ATF7: variants seen among roughly 807,000 people sequenced by gnomAD.
The protein encoded by ATF7 is activating transcription factor 7, also known as cyclic AMP-dependent transcription factor ATF-7.
In ATF7, 10 loss-of-function variants were observed where a neutral mutation model predicts 50.4. The ratio of observed to expected loss-of-function variants is 0.20; its 90% CI spans 0.12 to 0.34. ATF7 has a LOEUF of 0.34. Ranked by LOEUF, ATF7 falls within the 10% of genes least tolerant of loss-of-function variation. The pLI is 1.00. For missense variants in ATF7, 465 were observed against 613.9 expected (o/e 0.76, Z 2.56); for synonymous variants, 201 against 226.4 (o/e 0.89, Z 1.01).
chr12:53,613,058 T>C (rs2137895570), intron 1 of ATF7, among the ~76,000 whole-genome samples: 1 of 151,616 alleles, frequency 6.6e-6, no homozygotes, highest in East Asian at 1.9e-4. Context: ...TTCCCAATGA[T>C]AGCTATTTAT....
At chr12:53,584,023 A>G (rs1942563787) in intron 2 of ATF7, among the ~76,000 whole-genome samples, 3 of 152,200 alleles carry the variant, frequency 2.0e-5, no homozygotes, top group Admixed American at 2.0e-4. Context: ...TCTGTCACCC[A>G]GGCTGGAGTA....
At chr12:53,556,091 C>G (rs538931842) in intron 2 of ATF7, among the ~76,000 whole-genome samples, 1 of 152,258 alleles carries the variant, frequency 6.6e-6, no homozygotes, top group African/African-American at 2.4e-5. Context: ...GCTGGAATTA[C>G]AGGTGTGAGC....
At chr12:53,588,560 G>A (rs1942818975) in intron 2 of ATF7, among the ~76,000 whole-genome samples, 1 of 152,100 alleles carries the variant, frequency 6.6e-6, no homozygotes, top group African/African-American at 2.4e-5. Flanking sequence ...ACTAGTCAAA[G>A]CAAGATACCC....
At chr12:53,517,457 G>T in intron 11 of ATF7, 103 bp from the exon 12 acceptor site, 1 of 1,172,826 alleles carries the variant, frequency 8.5e-7, no homozygotes, top group Non-Finnish European at 1.2e-6. Flanking sequence ...AGCCCAAAAG[G>T]GAAATGAAAC....
intron 2 of ATF7, among the ~76,000 whole-genome samples, chr12:53,553,442 A>C (rs911786856): frequency 3.9e-5 from 6 of 152,178 alleles, no homozygotes; most frequent in Non-Finnish European, 2.9e-5. Flanking sequence ...GATGGTATAG[A>C]GATTTTATTT....
intron 5 of ATF7, among the ~76,000 whole-genome samples, chr12:53,536,740 T>C (rs1939248848): frequency 6.6e-6 from 1 of 151,908 alleles, no homozygotes; most frequent in Non-Finnish European, 1.5e-5. Flanking sequence ...GTACAAAAAT[T>C]AGCCGGGCGT....
chr12:53,519,788 C>T (rs1937990579), intron 11 of ATF7, among the ~76,000 whole-genome samples: 1 of 152,028 alleles, frequency 6.6e-6, no homozygotes, highest in South Asian at 2.1e-4. Context: ...GCTCTATCAC[C>T]CAGGCTGGAG....
intron 2 of ATF7, among the ~76,000 whole-genome samples, chr12:53,554,870 G>GAAAAAAAAAAAAAAAAAA (rs61675595): frequency 1.3e-5 from 1 of 76,046 alleles, no homozygotes; most frequent in Non-Finnish European, 2.5e-5. Context: ...CTCAAAAAAA[G>GAAAAAAAAAAAAAAAAAA]AAAAAAAAAA....
intron 3 of ATF7, among the ~76,000 whole-genome samples, chr12:53,549,481 A>G (rs1940180670): frequency 6.6e-6 from 1 of 151,636 alleles, no homozygotes. Context: ...TTGGCTCACC[A>G]CAACCTCCGC....
At chr12:53,575,574 CAA>C (rs150259793) in intron 2 of ATF7, 29 of 103,424 alleles carry the variant, frequency 2.8e-4, no homozygotes, top group Non-Finnish European at 2.6e-4. Context: ...ATGCAGTCTC[CAA>C]AAAAAAAAAA....
In ATF7 at chr12:53,537,509, T is replaced by C. The variant is rs768746722; in HGVS notation, c.308A>G (p.Asp103Gly). The C allele has an allele frequency of 4.3e-6, 7 of 1,613,622 alleles. No homozygotes were observed. The highest frequency in any genetic ancestry group is 5.1e-6 in the Non-Finnish European group (6 of 1,179,864). ...TGGCTCTTCTTCTTTGATTTTGATG[T>C]CTGGTGTGGAAGGCAGAGACATGTC... ...PLDMSLPSTP[D>G]IKIKEEEPVE... Residue 103 changes from aspartate to glycine, a missense_variant, in exon 5 of 12, where the codon GAC (aspartate) becomes GGC (glycine). By Grantham distance (94) the Asp-to-Gly change is moderately conservative. Transcript: ENST00000420353.
At chr12:53,517,927 C>T (rs1348408611) in intron 11 of ATF7, among the ~76,000 whole-genome samples, 1 of 152,084 alleles carries the variant, frequency 6.6e-6, no homozygotes, top group African/African-American at 2.4e-5. Flanking sequence ...TGCAGTGGTG[C>T]AATCTCAGCT....
intron 2 of ATF7, among the ~76,000 whole-genome samples, chr12:53,570,469 T>C (rs999305055): frequency 2.0e-5 from 3 of 152,118 alleles, no homozygotes; most frequent in Admixed American, 6.5e-5. Context: ...GTATAGCAAA[T>C]GCAGATTTCA....
chr12:53,542,369 G>A (rs1398683976), intron 4 of ATF7, among the ~76,000 whole-genome samples: 1 of 151,730 alleles, frequency 6.6e-6, no homozygotes, highest in Non-Finnish European at 1.5e-5. Flanking sequence ...GGAGCTTGCA[G>A]TGAGCTGAGA....
At chr12:53,595,707 T>C (rs973489500) in intron 2 of ATF7, among the ~76,000 whole-genome samples, 7 of 152,118 alleles carry the variant, frequency 4.6e-5, no homozygotes, top group African/African-American at 1.7e-4. Context: ...CCATAAACAT[T>C]ATTCCTATTA....
intron 2 of ATF7, among the ~76,000 whole-genome samples, chr12:53,576,606 A>G (rs1942080395): frequency 6.6e-6 from 1 of 152,202 alleles, no homozygotes. Context: ...TTGGAAGCAG[A>G]GAGCAGCCCT....
intron 1 of ATF7, among the ~76,000 whole-genome samples, chr12:53,606,979 T>C (rs1393428968): frequency 1.3e-5 from 2 of 152,114 alleles, no homozygotes; most frequent in Non-Finnish European, 2.9e-5. Flanking sequence ...ACATTTAGGT[T>C]GGTTCCAAGT....
intron 1 of ATF7, among the ~76,000 whole-genome samples, chr12:53,624,131 A>C (rs1355040292): frequency 6.6e-6 from 1 of 152,190 alleles, no homozygotes; most frequent in Non-Finnish European, 1.5e-5. Context: ...CTGCTCTCTC[A>C]CTGGGTAATT....
At chr12:53,598,665 A>G (rs1371595753) in intron 2 of ATF7, among the ~76,000 whole-genome samples, 1 of 152,246 alleles carries the variant, frequency 6.6e-6, no homozygotes, top group Non-Finnish European at 1.5e-5. Context: ...GTGACATTTC[A>G]CAAATTTCAG....
Sources: gnomAD v4.1 joint callset for allele counts (sites outside exome capture counted in the v4.1 genomes callset) on GRCh38, gnomAD v4.1.1 for gene constraint, MANE v1.5 for transcripts, NCBI Gene and HGNC (gene_info 2026-07-23, HGNC 2026-07-21) for gene names.